Variants in CREB3L2 observed in about 807,000 individuals in gnomAD.
CREB3L2 encodes cAMP responsive element binding protein 3 like 2.
CREB3L2 carries 23 observed loss-of-function variants against 57.2 expected under a neutral mutation model. That is an observed-to-expected ratio of 0.40 (90% CI 0.29 to 0.57). The LOEUF (loss-of-function observed/expected upper bound fraction) is 0.57, where lower values mean the gene tolerates loss of function less well. Among genes scored for constraint, CREB3L2 ranks in the 20% least tolerant of loss-of-function variants. The pLI, the probability that CREB3L2 is intolerant of heterozygous loss-of-function variation, is 0.42. For missense variants in CREB3L2, 628 were observed against 634.7 expected (o/e 0.99, Z 0.11); for synonymous variants, 268 against 265.1 (o/e 1.01, Z -0.11).
At chr7:137,918,964 G>T (rs1393751453) in intron 2 of CREB3L2, among the ~76,000 whole-genome samples, 1 of 152,088 alleles carries the variant, frequency 6.6e-6, no homozygotes. Flanking sequence ...GATGGTACTT[G>T]AACTATAAAA....
chr7:137,985,377 C>G (rs756834831), intron 1 of CREB3L2, among the ~76,000 whole-genome samples: 1 of 152,162 alleles, frequency 6.6e-6, no homozygotes, highest in Admixed American at 6.5e-5. Flanking sequence ...GGAGGAAGAA[C>G]GTGGCTTAAA....
intron 2 of CREB3L2, among the ~76,000 whole-genome samples, chr7:137,926,482 C>T (rs1471608711): frequency 6.6e-6 from 1 of 152,126 alleles, no homozygotes; most frequent in Non-Finnish European, 1.5e-5. Flanking sequence ...AACACAGGAA[C>T]AGAACAGGAC....
At chr7:137,981,810 T>C (rs961615886) in intron 1 of CREB3L2, among the ~76,000 whole-genome samples, 2 of 152,252 alleles carry the variant, frequency 1.3e-5, no homozygotes, top group Non-Finnish European at 2.9e-5. Flanking sequence ...ACTCGTTTCA[T>C]GTATTCTCCA....
At chr7:137,885,890 T>A (rs1799407939) in intron 8 of CREB3L2, among the ~76,000 whole-genome samples, 1 of 152,148 alleles carries the variant, frequency 6.6e-6, no homozygotes, top group Non-Finnish European at 1.5e-5. Context: ...TAAAACCCAG[T>A]CCTCTATGTG....
intron 1 of CREB3L2, among the ~76,000 whole-genome samples, chr7:137,969,166 CATG>C (rs940778972): frequency 6.6e-6 from 1 of 152,084 alleles, no homozygotes; most frequent in African/African-American, 2.4e-5. Flanking sequence ...AGAGAATGTG[CATG>C]ATGATATCAA....
intron 1 of CREB3L2, among the ~76,000 whole-genome samples, chr7:137,981,502 A>C (rs763611458): frequency 6.6e-6 from 1 of 152,236 alleles, no homozygotes; most frequent in Non-Finnish European, 1.5e-5. Context: ...AGAGAACAAG[A>C]AAAAATAATA....
chr7:137,893,659 G>C (rs978200655), intron 8 of CREB3L2, among the ~76,000 whole-genome samples: 1 of 152,162 alleles, frequency 6.6e-6, no homozygotes, highest in Non-Finnish European at 1.5e-5. Flanking sequence ...CAGTAGACTT[G>C]GCTGGAAAGA....
chr7:137,996,984 A>G lies in CREB3L2; in HGVS notation c.102+4620T>C, dbSNP rs779682480. Among the ~76,000 whole-genome samples, 3 of 152,318 alleles carry G rather than the reference A, an allele frequency of 2.0e-5. No individual in the cohort carries two copies. In the Middle Eastern group the frequency reaches 0.01, roughly 518 times the overall value. ...CCAGATGGCTAAACTGAGATAGAAG[A>G]AAGGAGAACATTATCAAGATCTTGA... On this transcript the variant is annotated intron_variant, in intron 1 of 11. Transcript: ENST00000330387.
chr7:137,976,615 C>A (rs1801611470), intron 1 of CREB3L2, among the ~76,000 whole-genome samples: 1 of 152,154 alleles, frequency 6.6e-6, no homozygotes. Context: ...CATCCATCAC[C>A]CCACTTTATT....
intron 2 of CREB3L2, among the ~76,000 whole-genome samples, chr7:137,918,256 T>C (rs1473817896): frequency 2.0e-5 from 3 of 152,198 alleles, no homozygotes; most frequent in Admixed American, 1.3e-4. Flanking sequence ...AGTGGCACCA[T>C]CTCGGCTCGC....
chr7:137,960,894 A>G (rs1801310059), intron 1 of CREB3L2, among the ~76,000 whole-genome samples: 1 of 131,106 alleles, frequency 7.6e-6, no homozygotes, highest in Non-Finnish European at 1.5e-5. Context: ...GCTCACTGCA[A>G]CCTCCACCTC....
chr7:137,952,521 G>C (rs926417219), intron 1 of CREB3L2, among the ~76,000 whole-genome samples: 1 of 152,174 alleles, frequency 6.6e-6, no homozygotes, highest in Non-Finnish European at 1.5e-5. Context: ...GCCAGTCTGT[G>C]AAATTAGCTT....
intron 2 of CREB3L2, among the ~76,000 whole-genome samples, chr7:137,926,993 AT>A (rs1371750336): frequency 6.6e-6 from 1 of 152,042 alleles, no homozygotes; most frequent in Non-Finnish European, 1.5e-5. Context: ...CTACAAAAAA[AT>A]AAAAATAAAA....
At chr7:137,912,862 G>A (rs990946532) in intron 4 of CREB3L2, 129 bp downstream of exon 4, 3 of 1,541,118 alleles carry the variant, frequency 1.9e-6, no homozygotes, top group Non-Finnish European at 2.6e-6. Flanking sequence ...TTTAAGAACA[G>A]AGCTATTTCA....
At position 137,879,211 on chromosome 7, in the gene CREB3L2, T is replaced by G. The variant is rs1238676746; in HGVS notation, c.*1265A>C. 1 of 534,818 alleles carries G rather than the reference T, an allele frequency of 1.9e-6. No individual in the cohort carries two copies. The highest frequency in any genetic ancestry group is 1.5e-5 in the South Asian group (1 of 64,970). The allele number at this position is 534,818 out of a possible 1,614,324, so 33.1% of individuals were successfully genotyped here. ...ACTAAAAGTAGGTTGGGGATTAGGT[T>G]GTATCTCTTTGGGCGAGCTGCAAAG... On this transcript the variant is annotated 3_prime_UTR_variant, in exon 12 of 12. Transcript: ENST00000330387.
chr7:137,912,342 A>T (rs1053845752), intron 4 of CREB3L2, among the ~76,000 whole-genome samples: 1 of 149,054 alleles, frequency 6.7e-6, no homozygotes, highest in Non-Finnish European at 1.5e-5. Context: ...GTGCCATTGC[A>T]CTCCAGCCTG....
intron 1 of CREB3L2, among the ~76,000 whole-genome samples, chr7:137,936,334 A>T (rs1800784506): frequency 6.6e-6 from 1 of 152,186 alleles, no homozygotes; most frequent in Non-Finnish European, 1.5e-5. Context: ...CTAACAGAAG[A>T]GTGCTGCACC....
chr7:137,909,950 C>G (rs1393449001), intron 4 of CREB3L2, among the ~76,000 whole-genome samples: 9 of 152,160 alleles, frequency 5.9e-5, no homozygotes, highest in Admixed American at 5.9e-4. Context: ...CTCATTTTCT[C>G]TATTGCCTGA....
chr7:137,875,260 G>A lies in CREB3L2; in HGVS notation c.*5216C>T, dbSNP rs1321321916. The A allele has an allele frequency of 5.5e-5, 12 of 219,060 alleles. No homozygotes were observed. The highest frequency in any genetic ancestry group is 1.2e-4 in the Admixed American group (2 of 17,248). The allele number at this position is 219,060 out of a possible 1,614,324, so 13.6% of individuals were successfully genotyped here. A position where few individuals can be genotyped will look rare whatever the true frequency, so the allele number is the denominator to read the frequency against. ...GTCAGCATAGACATTAAAGCTCACCGTTGATTATAGCTCAGGGCCTGCTCA... is the reference window on the plus strand; with the variant it reads ...GTCAGCATAGACATTAAAGCTCACCATTGATTATAGCTCAGGGCCTGCTCA... On this transcript the variant is annotated 3_prime_UTR_variant, in exon 12 of 12. Transcript: ENST00000330387.
Sources: gnomAD v4.1 joint callset for allele counts (sites outside exome capture counted in the v4.1 genomes callset) on GRCh38, gnomAD v4.1.1 for gene constraint, MANE v1.5 for transcripts, NCBI Gene and HGNC (gene_info 2026-07-23, HGNC 2026-07-21) for gene names.